NRF1: variants seen among roughly 807,000 people sequenced by gnomAD.
The protein encoded by NRF1 is nuclear respiratory factor 1.
NRF1 carries 5 observed loss-of-function variants against 58.5 expected under a neutral mutation model. That is an observed-to-expected ratio of 0.09 (90% CI 0.04 to 0.18). NRF1 has a LOEUF of 0.18. Among genes scored for constraint, NRF1 ranks in the 10% least tolerant of loss-of-function variants. The pLI, the probability that NRF1 is intolerant of heterozygous loss-of-function variation, is 1.00. For synonymous variants in NRF1, 224 were observed against 246.7 expected, an observed-to-expected ratio of 0.91 and a Z score of 0.86; for missense variants, 288 against 657.7, an observed-to-expected ratio of 0.44 and a Z score of 6.15.
intron 1 of NRF1, among the ~76,000 whole-genome samples, chr7:129,635,229 C>T (rs554468263): frequency 8.5e-5 from 13 of 152,252 alleles, no homozygotes; most frequent in Admixed American, 6.5e-4. Flanking sequence ...GGAAACAATA[C>T]GTTAATAAAA....
intron 5 of NRF1, among the ~76,000 whole-genome samples, chr7:129,696,422 G>A (rs954866608): frequency 3.3e-5 from 5 of 152,050 alleles, no homozygotes; most frequent in South Asian, 2.1e-4. Context: ...CTTTACAGGG[G>A]CATCTCATTT....
intron 1 of NRF1, among the ~76,000 whole-genome samples, chr7:129,620,393 T>TC (rs1009034811): frequency 7.9e-5 from 12 of 151,366 alleles, no homozygotes; most frequent in Non-Finnish European, 1.5e-4. Context: ...AATCACTTTT[T>TC]TTTTTTTTTT....
At chr7:129,734,978 G>A in intron 10 of NRF1, 1 of 836,448 alleles carries the variant, frequency 1.2e-6, no homozygotes, top group Non-Finnish European at 1.4e-6. Flanking sequence ...TGGATCCTGG[G>A]GAAAGGGTCA....
At chr7:129,737,407 A>G (rs1255200896) in intron 10 of NRF1, among the ~76,000 whole-genome samples, 4 of 152,204 alleles carry the variant, frequency 2.6e-5, no homozygotes, top group Admixed American at 2.6e-4. Flanking sequence ...CAACAGATGC[A>G]TTGTATTTCA....
chr7:129,683,200 G>T (rs1403183346), intron 4 of NRF1, among the ~76,000 whole-genome samples: 1 of 151,888 alleles, frequency 6.6e-6, no homozygotes, highest in Non-Finnish European at 1.5e-5. Flanking sequence ...ACCAGCCCTG[G>T]CCCCAGAGAA....
intron 3 of NRF1, among the ~76,000 whole-genome samples, chr7:129,673,579 C>T (rs986792229): frequency 4.5e-4 from 68 of 151,550 alleles, no homozygotes; most frequent in African/African-American, 9.9e-4. Flanking sequence ...TAGCCGGGCG[C>T]AGTGGCGGGC....
At chr7:129,666,534 T>C (rs991153922) in intron 2 of NRF1, among the ~76,000 whole-genome samples, 1 of 152,214 alleles carries the variant, frequency 6.6e-6, no homozygotes, top group Non-Finnish European at 1.5e-5. Flanking sequence ...TATTTCTTTT[T>C]CTGTTGTTGT....
intron 9 of NRF1, among the ~76,000 whole-genome samples, chr7:129,725,826 C>A (rs907728985): frequency 6.6e-6 from 1 of 152,160 alleles, no homozygotes; most frequent in Non-Finnish European, 1.5e-5. Context: ...AGAGGAAATT[C>A]TTCTATTTAA....
chr7:129,742,364 C>T (rs758606181), intron 10 of NRF1, among the ~76,000 whole-genome samples: 1 of 151,568 alleles, frequency 6.6e-6, no homozygotes, highest in Non-Finnish European at 1.5e-5. Flanking sequence ...ATATGGAAAC[C>T]GAGACACTGC....
intron 1 of NRF1, among the ~76,000 whole-genome samples, chr7:129,616,066 T>C (rs912464975): frequency 6.6e-6 from 1 of 152,190 alleles, no homozygotes; most frequent in African/African-American, 2.4e-5. Context: ...CACACACATA[T>C]ATATATTTTT....
chr7:129,725,150 A>G (rs1355360756), intron 9 of NRF1, among the ~76,000 whole-genome samples: 1 of 152,208 alleles, frequency 6.6e-6, no homozygotes, highest in Non-Finnish European at 1.5e-5. Context: ...GGTCCAGTTT[A>G]AAGTTCCAGT....
intron 10 of NRF1, among the ~76,000 whole-genome samples, chr7:129,747,379 C>T (rs576725332): frequency 6.6e-6 from 1 of 152,254 alleles, no homozygotes; most frequent in Non-Finnish European, 1.5e-5. Context: ...TCTTTGAAGG[C>T]CTTTGGTGAA....
intron 4 of NRF1, among the ~76,000 whole-genome samples, chr7:129,679,386 C>A (rs1245111888): frequency 6.6e-6 from 1 of 152,132 alleles, no homozygotes; most frequent in Admixed American, 6.5e-5. Context: ...GATAAAAAAA[C>A]TTTTATCATA....
In NRF1 at chr7:129,690,361, T is replaced by C. The variant is rs1200495667; in HGVS notation, c.466-45T>C. The C allele has an allele frequency of 4.4e-6, 7 of 1,591,526 alleles. No homozygotes were observed. In the Admixed American group the frequency reaches 1.0e-4, roughly 23 times the overall value. ...CTTGTTGCTTGGCACCAATCCTCCC[T>C]GGTTGTTGGGCATCTTGTTTACTTC... On this transcript the variant is annotated intron_variant, in intron 4 of 10. Transcript: ENST00000393232.
intron 4 of NRF1, among the ~76,000 whole-genome samples, chr7:129,687,199 A>T (rs895624309): frequency 6.6e-6 from 1 of 151,524 alleles, no homozygotes; most frequent in Non-Finnish European, 1.5e-5. Flanking sequence ...AAAACAGGCA[A>T]TGCTATATTT....
chr7:129,690,351 C>A (rs1802535641), intron 4 of NRF1, 55 bp from the exon 5 acceptor site: 5 of 1,577,150 alleles, frequency 3.2e-6, no homozygotes, highest in East Asian at 2.3e-5. Context: ...TGCTTGGCAC[C>A]AATCCTCCCT....
chr7:129,673,597 G>A lies in NRF1; in HGVS notation c.338+2054G>A, dbSNP rs1471539905. Among the ~76,000 whole-genome samples, 6 of 151,018 alleles carry A rather than the reference G, an allele frequency of 4.0e-5. No individual in the cohort carries two copies. In the South Asian group the frequency reaches 1.0e-3, roughly 26 times the overall value. ...CCGGGCGCAGTGGCGGGCGCCTGTA[G>A]TCCCAGCTACTCGGGAGGCTGAGGC... On this transcript the variant is annotated intron_variant, in intron 3 of 10. Transcript: ENST00000393232.
At chr7:129,668,116 T>A (rs142227472) in intron 2 of NRF1, among the ~76,000 whole-genome samples, 38 of 152,280 alleles carry the variant, frequency 2.5e-4, no homozygotes, top group African/African-American at 8.2e-4. Context: ...TGTAATTTAT[T>A]TTTGTATGTA....
At chr7:129,752,695 A>C (rs189681228) in intron 10 of NRF1, among the ~76,000 whole-genome samples, 1 of 152,320 alleles carries the variant, frequency 6.6e-6, no homozygotes, top group East Asian at 1.9e-4. Context: ...CTATTTAAAA[A>C]AATAAAAAAT....
Sources: gnomAD v4.1 joint callset for allele counts (sites outside exome capture counted in the v4.1 genomes callset) on GRCh38, gnomAD v4.1.1 for gene constraint, MANE v1.5 for transcripts, NCBI Gene and HGNC (gene_info 2026-07-23, HGNC 2026-07-21) for gene names.